Variants in SULF1 observed in about 807,000 individuals in gnomAD.
SULF1 encodes the protein extracellular sulfatase Sulf-1.
In SULF1, 46 loss-of-function variants were observed where a neutral mutation model predicts 110.5. The ratio of observed to expected loss-of-function variants is 0.42; its 90% CI spans 0.33 to 0.53. The LOEUF is 0.53. Among genes scored for constraint, SULF1 ranks in the 20% least tolerant of loss-of-function variants. SULF1 has a pLI of 0.12. For synonymous variants in SULF1, 371 were observed against 387.1 expected (o/e 0.96, Z 0.49); for missense variants, 941 against 1,094.2 (o/e 0.86, Z 1.98).
chr8:69,590,192 T>C (rs984815323), intron 8 of SULF1, among the ~76,000 whole-genome samples: 5 of 152,144 alleles, frequency 3.3e-5, no homozygotes, highest in African/African-American at 1.2e-4. Context: ...GACAGAGTCT[T>C]GCTCTGTAAC....
chr8:69,600,987 A>G (rs184021191), intron 9 of SULF1, among the ~76,000 whole-genome samples: 2 of 152,210 alleles, frequency 1.3e-5, no homozygotes, highest in East Asian at 3.9e-4. Flanking sequence ...AAGAGGAGAG[A>G]AAAATCAAAT....
At chr8:69,553,375 A>G (rs1386263448) in intron 3 of SULF1, among the ~76,000 whole-genome samples, 1 of 152,246 alleles carries the variant, frequency 6.6e-6, no homozygotes, top group Non-Finnish European at 1.5e-5. Flanking sequence ...ACTAAATACA[A>G]TTATGAAACA....
intron 3 of SULF1, among the ~76,000 whole-genome samples, chr8:69,514,128 T>C (rs886504312): frequency 6.6e-6 from 1 of 152,312 alleles, no homozygotes; most frequent in Non-Finnish European, 1.5e-5. Flanking sequence ...TACTGTATTC[T>C]ACCCCAGATT....
chr8:69,535,508 A>G (rs777752129), intron 3 of SULF1, among the ~76,000 whole-genome samples: 1 of 152,150 alleles, frequency 6.6e-6, no homozygotes, highest in African/African-American at 2.4e-5. Context: ...TTATTTCCTC[A>G]AAACAAAATC....
intron 3 of SULF1, among the ~76,000 whole-genome samples, chr8:69,524,627 A>G (rs1211357566): frequency 6.6e-6 from 1 of 152,154 alleles, no homozygotes; most frequent in Admixed American, 6.6e-5. Flanking sequence ...AATCCAAACT[A>G]CATCAAATGG....
At chr8:69,554,122 T>A (rs1198460635) in intron 3 of SULF1, among the ~76,000 whole-genome samples, 1 of 152,224 alleles carries the variant, frequency 6.6e-6, no homozygotes, top group Non-Finnish European at 1.5e-5. Flanking sequence ...AGTTTAATTA[T>A]ATCAGCTCCT....
chr8:69,588,467 T>G (rs1806626769), intron 7 of SULF1, among the ~76,000 whole-genome samples: 1 of 152,196 alleles, frequency 6.6e-6, no homozygotes, highest in Non-Finnish European at 1.5e-5. Flanking sequence ...AGAAAATATC[T>G]TTTCTTGTGT....
intron 3 of SULF1, among the ~76,000 whole-genome samples, chr8:69,541,009 A>G (rs1208500979): frequency 6.6e-6 from 1 of 152,156 alleles, no homozygotes; most frequent in Middle Eastern, 3.2e-3. Flanking sequence ...CCTTTCCTAT[A>G]TGGCACAGCT....
At chr8:69,555,256 C>T (rs143026438) in intron 3 of SULF1, among the ~76,000 whole-genome samples, 23 of 152,220 alleles carry the variant, frequency 1.5e-4, no homozygotes, top group Admixed American at 3.9e-4. Context: ...TCTGCCTCTG[C>T]GGGAGGCCAA....
At chr8:69,524,229 A>G (rs990809892) in intron 3 of SULF1, among the ~76,000 whole-genome samples, 1 of 152,074 alleles carries the variant, frequency 6.6e-6, no homozygotes, top group Non-Finnish European at 1.5e-5. Context: ...ATTCAACGGT[A>G]TGTTCATCCA....
chr8:69,632,251 A>G (rs1376585295), intron 19 of SULF1, among the ~76,000 whole-genome samples: 1 of 152,128 alleles, frequency 6.6e-6, no homozygotes, highest in African/African-American at 2.4e-5. Flanking sequence ...TCTGATACAC[A>G]ATGTATTCTT....
intron 3 of SULF1, among the ~76,000 whole-genome samples, chr8:69,530,242 A>T (rs1812991954): frequency 6.6e-6 from 1 of 152,124 alleles, no homozygotes. Flanking sequence ...GCTCACCAGG[A>T]TAGTCAAACA....
intron 7 of SULF1, among the ~76,000 whole-genome samples, chr8:69,587,400 A>T (rs984881515): frequency 2.0e-5 from 3 of 152,188 alleles, no homozygotes; most frequent in African/African-American, 7.2e-5. Flanking sequence ...TGCTGTCTTT[A>T]TGCTTGGCCT....
intron 5 of SULF1, among the ~76,000 whole-genome samples, chr8:69,567,650 T>G (rs906162461): frequency 3.3e-5 from 5 of 152,214 alleles, no homozygotes; most frequent in Admixed American, 3.3e-4. Flanking sequence ...ATCCATGTTG[T>G]AACATGTGTC....
chr8:69,531,713 A>G (rs942689470), intron 3 of SULF1, among the ~76,000 whole-genome samples: 1 of 152,206 alleles, frequency 6.6e-6, no homozygotes, highest in African/African-American at 2.4e-5. Flanking sequence ...TAATTTCACC[A>G]CAGAAGTATT....
upstream of SULF1, among the ~76,000 whole-genome samples, chr8:69,488,884 C>T (rs1014542500): frequency 5.9e-5 from 9 of 152,110 alleles, no homozygotes; most frequent in South Asian, 2.1e-4. Flanking sequence ...CAAGAGAATG[C>T]GGTGCCCTGA....
chr8:69,611,653 A>T lies in SULF1; in HGVS notation c.1377+6721A>T, dbSNP rs987211296. Among the ~76,000 whole-genome samples the T allele has an allele frequency of 3.9e-5, 6 of 152,310 alleles. 1 individual carries two copies. The South Asian group carries it at 1.2e-3, about 32-fold the overall frequency. ...TGCAGGTAACTTTTTTATGATGTTCATGTTGGCATGAATAATAATCAGTTT... is the reference window on the plus strand; with the variant it reads ...TGCAGGTAACTTTTTTATGATGTTCTTGTTGGCATGAATAATAATCAGTTT... On this transcript the variant is annotated intron_variant, in intron 13 of 22. Transcript: ENST00000402687.
At chr8:69,629,077 A>G (rs769280733) in intron 18 of SULF1, among the ~76,000 whole-genome samples, 7 of 152,186 alleles carry the variant, frequency 4.6e-5, no homozygotes, top group Non-Finnish European at 8.8e-5. Context: ...TCTTTTGCCC[A>G]GGCTTTAGTG....
chr8:69,647,515 G>T (rs1230366428), intron 22 of SULF1, among the ~76,000 whole-genome samples: 1 of 152,032 alleles, frequency 6.6e-6, no homozygotes, highest in Non-Finnish European at 1.5e-5. Flanking sequence ...AATTATGTAG[G>T]TTAGAAATTT....
Sources: allele counts gnomAD v4.1 joint callset (sites outside exome capture counted in the v4.1 genomes callset), GRCh38; gene constraint gnomAD v4.1.1; transcripts MANE v1.5; gene names NCBI Gene and HGNC (gene_info 2026-07-23, HGNC 2026-07-21).